The following GBF1 variants were observed in gnomAD, a reference collection of about 807,000 sequenced individuals.
GBF1 encodes Golgi-specific brefeldin A-resistance guanine nucleotide exchange factor 1.
A neutral mutation model predicts 210.5 loss-of-function variants in GBF1; 114 were observed. That is an observed-to-expected ratio of 0.54 (90% CI 0.47 to 0.63). GBF1 has a LOEUF of 0.63. GBF1 is among the 30% of genes least tolerant of loss of function. The pLI, the probability that GBF1 is intolerant of heterozygous loss-of-function variation, is 0.00. For synonymous variants in GBF1, 850 were observed against 889.2 expected (o/e 0.96, Z 0.78); for missense variants, 1,851 against 2,357.7 (o/e 0.79, Z 4.45).
chr10:102,258,774 C>CAAAAA (rs74634439), intron 1 of GBF1, among the ~76,000 whole-genome samples, 155 bp from the exon 2 acceptor site: 4 of 79,598 alleles, frequency 5.0e-5, no homozygotes, highest in African/African-American at 9.3e-5. Flanking sequence ...AACTCTGCCT[C>CAAAAA]AAAAAAAAAA....
chr10:102,376,619 C>T lies in GBF1; in HGVS notation c.4107C>T (p.Pro1369=), dbSNP rs905216984. 6.2e-7 allele frequency: 1 copy of T among 1,613,658 alleles called. No homozygotes were observed. Among genetic ancestry groups the T allele is most frequent in the Non-Finnish European group, 8.5e-7 (1 of 1,179,628 alleles). ...GGCCCAGCCGCCCAGGCCCTTCACC[C>T]CTGATCAATCAATACAGCCTAACAG... ...KPGPSRPGPS[P]LINQYSLTVG... Residue 1369 remains proline, a synonymous_variant, in exon 32 of 40, where the codon CCC becomes CCT. Transcript: ENST00000369983.
chr10:102,249,958 G>A (rs566291671), intron 1 of GBF1, among the ~76,000 whole-genome samples: 1 of 152,200 alleles, frequency 6.6e-6, no homozygotes, highest in African/African-American at 2.4e-5. Context: ...CCAAAGTGCT[G>A]GGATTATAGG....
intron 3 of GBF1, among the ~76,000 whole-genome samples, chr10:102,272,986 A>G (rs567714523): frequency 6.6e-6 from 1 of 152,320 alleles, no homozygotes; most frequent in Non-Finnish European, 1.5e-5. Context: ...ATCTTTGAAC[A>G]CTTCCTTGCT....
intron 39 of GBF1, among the ~76,000 whole-genome samples, chr10:102,381,823 GAAAAAAAAAAAAA>G (rs386372282): frequency 5.2e-5 from 1 of 19,090 alleles, no homozygotes; most frequent in Non-Finnish European, 9.8e-5. Context: ...ACCCTGTCGC[GAAAAAAAAAAAAA>G]AAAAAAAAAA....
chr10:102,231,255 T>G, the GBF1 span, among the ~76,000 whole-genome samples: 2 of 151,210 alleles, frequency 1.3e-5, no homozygotes, highest in Admixed American at 1.3e-4. Context: ...GCGCACGGAG[T>G]CCGGGGTCGG....
intron 3 of GBF1, among the ~76,000 whole-genome samples, chr10:102,293,086 A>G (rs2076574068): frequency 6.6e-6 from 1 of 152,352 alleles, no homozygotes; most frequent in Middle Eastern, 3.4e-3. Context: ...TAAAATTTTA[A>G]TCATTAAAAT....
intron 3 of GBF1, among the ~76,000 whole-genome samples, chr10:102,315,192 A>G (rs2078825484): frequency 2.0e-5 from 3 of 152,316 alleles, no homozygotes; most frequent in African/African-American, 7.2e-5. Context: ...ATTCAGAAAC[A>G]TCAGTTGAAG....
chr10:102,361,054 T>G lies in GBF1; in HGVS notation c.1425T>G (p.Ala475=), dbSNP rs757077813. Residue 475 remains alanine, a synonymous_variant, in exon 13 of 40, where the codon GCT becomes GCG. Transcript: ENST00000369983. ...GCATAGAGCGACTAAACCTTTATGC[T>G]GCTTCCCTGCGAGTATGCTTCCTAC... ...LLSIERLNLY[A]ASLRVCFLLF... 3.7e-6 allele frequency: 6 copies of G among 1,605,126 alleles called. No homozygotes were observed. Among genetic ancestry groups the G allele is most frequent in the Admixed American group, 1.7e-5 (1 of 59,950 alleles).
the GBF1 span, among the ~76,000 whole-genome samples, chr10:102,233,593 C>A: frequency 6.6e-6 from 1 of 152,200 alleles, no homozygotes; most frequent in East Asian, 1.9e-4. Context: ...TGTGAGCCAC[C>A]ATGCCCAGCC....
the GBF1 span, among the ~76,000 whole-genome samples, chr10:102,236,064 G>A: frequency 9.2e-4 from 140 of 152,308 alleles, no homozygotes; most frequent in Admixed American, 3.4e-3. Flanking sequence ...GTAAAGCCAG[G>A]CAGGCAATAG....
At chr10:102,362,307 C>T (rs1416657282) in intron 14 of GBF1, among the ~76,000 whole-genome samples, 168 bp from the exon 15 acceptor site, 4 of 151,978 alleles carry the variant, frequency 2.6e-5, no homozygotes, top group African/African-American at 4.8e-5. Context: ...CCACCCGCCT[C>T]GGCCTCCCAA....
At position 102,365,423 on chromosome 10, in the gene GBF1, C is replaced by G; in HGVS notation, c.2133C>G (p.Phe711Leu). 6.2e-7 allele frequency: 1 copy of G among 1,613,974 alleles called. No individual in the cohort carries two copies. Among genetic ancestry groups the G allele is most frequent in the Non-Finnish European group, 8.5e-7 (1 of 1,179,868 alleles). ...KKLLITGTEQ[F>L]NQKPKKGIQF... ...TGCTAATCACTGGCACAGAGCAGTT[C>G]AATCAGAAACCAAAGAAGGGGATTC... Residue 711 changes from phenylalanine (F) to leucine (L), a missense_variant, in exon 18 of 40, where the codon TTC becomes TTG. Around this residue, in one of 3 missense-constraint regions of GBF1, gnomAD observed 804 missense variants for 958.6 expected, o/e 0.84. Coordinates refer to ENST00000369983, the MANE Select transcript of GBF1 (RefSeq NM_001377137.1).
intron 11 of GBF1, among the ~76,000 whole-genome samples, chr10:102,359,913 A>G (rs1188850261): frequency 6.6e-6 from 1 of 151,218 alleles, no homozygotes; most frequent in Non-Finnish European, 1.5e-5. Flanking sequence ...ATAGGCATGC[A>G]CCACTGCACT....
rs147234372 is a variant in GBF1, at chr10:102,353,632, A to C, written c.617A>C (p.Tyr206Ser). Residue 206 changes from tyrosine (Y) to serine (S), a missense_variant, in exon 8 of 40, where the codon TAT (tyrosine) becomes TCT (serine). Physicochemically the swap from Tyr to Ser is moderately radical, Grantham distance 144. This residue lies in a region of GBF1 where 804 missense variants were observed against 958.6 expected (regional missense o/e 0.84). Coordinates refer to ENST00000369983, the MANE Select transcript of GBF1 (RefSeq NM_001377137.1). ...LPQFKEEPKN[Y>S]VGTNMKKLKM... is the part of the protein sequence containing the mutation. ...CAGTTTAAAGAAGAACCCAAGAACT[A>C]TGTGGGGACCAACATGAAGAAGGTA... 1 of 1,610,494 alleles carries C rather than the reference A, an allele frequency of 6.2e-7. No homozygotes were observed. Among genetic ancestry groups the C allele is most frequent in the Non-Finnish European group, 8.5e-7 (1 of 1,176,654 alleles).
intron 1 of GBF1, among the ~76,000 whole-genome samples, chr10:102,247,679 A>G (rs951376739): frequency 6.6e-6 from 1 of 152,104 alleles, no homozygotes; most frequent in African/African-American, 2.4e-5. Flanking sequence ...TCATTTCTAG[A>G]TAGGAATAAT....
chr10:102,230,747 C>T, the GBF1 span: 1 of 1,489,176 alleles, frequency 6.7e-7, no homozygotes, highest in South Asian at 1.3e-5. Flanking sequence ...GCGGCCGGAG[C>T]CAGCCCGGGG....
chr10:102,287,344 C>CTTTTTTTTTTTTTTTT (rs763880492), intron 3 of GBF1, among the ~76,000 whole-genome samples: 16 of 69,518 alleles, frequency 2.3e-4, no homozygotes, highest in Non-Finnish European at 2.7e-4. Context: ...ATTTTATTTT[C>CTTTTTTTTTTTTTTTT]TTTTTTTTTT....
Position 102,331,748 on chromosome 10 carries a change from A to G in GBF1, c.164-12303A>G, listed in dbSNP as rs533467354. Among the ~76,000 whole-genome samples, 8 of 151,472 alleles carry G rather than the reference A, an allele frequency of 5.3e-5. No individual in the cohort carries two copies. The East Asian group carries it at 1.5e-3, about 29-fold the overall frequency. On this transcript the variant is annotated intron_variant, in intron 3 of 39. Coordinates refer to ENST00000369983, the MANE Select transcript of GBF1 (RefSeq NM_001377137.1). ...CAGACTGGAATGCAGTGGTGCCATC[A>G]TGGCTCACTCCAGCCATGACATCCC...
intron 3 of GBF1, among the ~76,000 whole-genome samples, chr10:102,294,267 A>G (rs1402974060): frequency 2.0e-5 from 3 of 152,154 alleles, no homozygotes; most frequent in Non-Finnish European, 4.4e-5. Context: ...GCAATGTCCT[A>G]GGCCTTCACA....
Sources: allele counts gnomAD v4.1 joint callset (sites outside exome capture counted in the v4.1 genomes callset), GRCh38; gene constraint gnomAD v4.1.1; regional missense constraint gnomAD v4.1.1; transcripts MANE v1.5; gene names NCBI Gene and HGNC (gene_info 2026-07-23, HGNC 2026-07-21).